DOCK2: variants seen among roughly 807,000 people sequenced by gnomAD.
The protein encoded by DOCK2 is dedicator of cytokinesis 2.
A neutral mutation model predicts 248.9 loss-of-function variants in DOCK2; 87 were observed. The observed-to-expected ratio is 0.35, with a 90% confidence interval of 0.29 to 0.42. DOCK2 has a LOEUF of 0.42. Ranked by LOEUF, DOCK2 falls within the 10% of genes least tolerant of loss-of-function variation. The pLI is 1.00. For synonymous variants in DOCK2, 805 were observed against 821.6 expected, an observed-to-expected ratio of 0.98 and a Z score of 0.35; for missense variants, 1,747 against 2,300.2, an observed-to-expected ratio of 0.76 and a Z score of 4.92.
At chr5:169,936,775 A>G (rs1429578800) in intron 27 of DOCK2, among the ~76,000 whole-genome samples, 1 of 152,148 alleles carries the variant, frequency 6.6e-6, no homozygotes, top group African/African-American at 2.4e-5. Context: ...ATCAGAGGAT[A>G]CTAATTAAGA....
intron 8 of DOCK2, among the ~76,000 whole-genome samples, chr5:169,688,619 A>G (rs1316785094): frequency 2.0e-5 from 3 of 152,140 alleles, no homozygotes; most frequent in Admixed American, 1.3e-4. Context: ...GACACTTAAA[A>G]ATTTTCAGGT....
intron 25 of DOCK2, among the ~76,000 whole-genome samples, chr5:169,797,625 A>G (rs1766733983): frequency 6.6e-6 from 1 of 152,096 alleles, no homozygotes; most frequent in Admixed American, 6.5e-5. Flanking sequence ...AGATTCCCCC[A>G]TGGCTGGTCT....
At chr5:169,844,633 C>T (rs1770195410) in intron 27 of DOCK2, among the ~76,000 whole-genome samples, 1 of 152,198 alleles carries the variant, frequency 6.6e-6, no homozygotes, top group Non-Finnish European at 1.5e-5. Context: ...TTATTATTGT[C>T]AGCCCTTTGG....
At chr5:169,907,012 G>T (rs989618709) in intron 27 of DOCK2, among the ~76,000 whole-genome samples, 1 of 152,206 alleles carries the variant, frequency 6.6e-6, no homozygotes, top group South Asian at 2.1e-4. Flanking sequence ...GCAGTGAACA[G>T]AGCAGGGTCC....
At chr5:169,785,901 A>T (rs1045459930) in intron 25 of DOCK2, among the ~76,000 whole-genome samples, 3 of 152,186 alleles carry the variant, frequency 2.0e-5, no homozygotes, top group Non-Finnish European at 4.4e-5. Context: ...GGCGGAGTCA[A>T]CTTCTGGTGA....
intron 22 of DOCK2, among the ~76,000 whole-genome samples, chr5:169,746,112 T>A (rs187071010): frequency 2.6e-5 from 4 of 151,410 alleles, no homozygotes; most frequent in African/African-American, 9.7e-5. Flanking sequence ...AGAGAGGGGG[T>A]TAGTTAGAAA....
At chr5:169,978,200 G>C (rs1777786000) in intron 27 of DOCK2, among the ~76,000 whole-genome samples, 1 of 152,090 alleles carries the variant, frequency 6.6e-6, no homozygotes, top group Admixed American at 6.6e-5. Context: ...GAAGTTGGCT[G>C]TTTCACTCCC....
At chr5:169,901,453 G>T (rs973689993) in intron 27 of DOCK2, among the ~76,000 whole-genome samples, 17 of 152,242 alleles carry the variant, frequency 1.1e-4, no homozygotes, top group African/African-American at 4.1e-4. Flanking sequence ...GCGTGCATGT[G>T]TGTGTAGGAG....
intron 45 of DOCK2, among the ~76,000 whole-genome samples, 172 bp from the exon 46 acceptor site, chr5:170,068,965 C>T (rs1210705510): frequency 6.6e-6 from 1 of 152,196 alleles, no homozygotes; most frequent in Non-Finnish European, 1.5e-5. Flanking sequence ...ATCTGAGCCT[C>T]AAAGCAGATA....
rs1182784905 is a variant in DOCK2, at chr5:169,718,789, A to G, written c.2265A>G (p.Ser755=). The change falls in exon 22 of 52, where the codon TCA becomes TCG. Residue 755 remains serine (S), a splice_region_variant and synonymous_variant. Transcript: ENST00000520908. ...TTGTTCGGTCGAGGACATTATTTTCACAGTGAGTACTTGTTATGTAAGAGT... is the reference window on the plus strand; with the variant it reads ...TTGTTCGGTCGAGGACATTATTTTCGCAGTGAGTACTTGTTATGTAAGAGT... The part of the protein sequence containing the change: ...KFIVRSRTLF[S]QLYEGKEQME... 6.2e-7 allele frequency: 1 copy of G among 1,613,258 alleles called. No homozygotes were observed. The highest frequency in any genetic ancestry group is 8.5e-7 in the Non-Finnish European group (1 of 1,179,378).
intron 27 of DOCK2, among the ~76,000 whole-genome samples, chr5:169,975,044 G>C (rs887268057): frequency 6.6e-5 from 10 of 152,146 alleles, no homozygotes; most frequent in African/African-American, 2.2e-4. Flanking sequence ...GCATGACAGG[G>C]AGATGAGCCC....
At chr5:170,047,109 C>T (rs1756741869) in intron 39 of DOCK2, among the ~76,000 whole-genome samples, 1 of 152,156 alleles carries the variant, frequency 6.6e-6, no homozygotes, top group Non-Finnish European at 1.5e-5. Flanking sequence ...GGCATTTATT[C>T]ATTCCATAGC....
intron 29 of DOCK2, among the ~76,000 whole-genome samples, chr5:169,995,176 G>A (rs1754572721): frequency 6.6e-6 from 1 of 151,880 alleles, no homozygotes; most frequent in Admixed American, 6.6e-5. Context: ...TTACTGGCGT[G>A]CACCACAACG....
intron 17 of DOCK2, among the ~76,000 whole-genome samples, chr5:169,713,333 A>G (rs945859519): frequency 1.3e-5 from 2 of 152,222 alleles, no homozygotes; most frequent in Non-Finnish European, 2.9e-5. Context: ...TGAGGCTTAA[A>G]TGAAATGAAC....
intron 26 of DOCK2, among the ~76,000 whole-genome samples, chr5:169,812,894 C>A (rs933229484): frequency 1.3e-5 from 2 of 152,270 alleles, no homozygotes; most frequent in African/African-American, 2.4e-5. Flanking sequence ...GGGCAACCCC[C>A]AAGCCAGCCC....
intron 27 of DOCK2, among the ~76,000 whole-genome samples, chr5:169,844,532 G>C (rs261634): frequency 0.13 from 20,136 of 152,146 alleles, 2,234 homozygotes; most frequent in African/African-American, 0.31. Flanking sequence ...TAAGTAACCC[G>C]GTGGGTGACC....
intron 26 of DOCK2, among the ~76,000 whole-genome samples, chr5:169,814,895 T>G (rs577284873): frequency 1.3e-5 from 2 of 152,278 alleles, no homozygotes; most frequent in South Asian, 2.1e-4. Flanking sequence ...CTAGCCTTAC[T>G]AGAAGGTTCC....
intron 25 of DOCK2, among the ~76,000 whole-genome samples, chr5:169,779,939 G>A (rs1765602916): frequency 7.1e-6 from 1 of 140,522 alleles, no homozygotes; most frequent in Non-Finnish European, 1.5e-5. Flanking sequence ...AATTCATCCC[G>A]TTGCATTTGC....
chr5:169,738,811 C>G (rs1429592678), intron 22 of DOCK2, among the ~76,000 whole-genome samples: 2 of 152,152 alleles, frequency 1.3e-5, no homozygotes, highest in Admixed American at 6.5e-5. Flanking sequence ...CAGGAGTGAT[C>G]TAAAGTCTGA....
Sources: allele counts gnomAD v4.1 joint callset (sites outside exome capture counted in the v4.1 genomes callset), GRCh38; gene constraint gnomAD v4.1.1; transcripts MANE v1.5; gene names NCBI Gene and HGNC (gene_info 2026-07-23, HGNC 2026-07-21).